The following GAB2 variants were observed in gnomAD, a reference collection of about 807,000 sequenced individuals.
The protein encoded by GAB2 is GRB2-associated-binding protein 2.
Under a neutral mutation model 65.5 loss-of-function variants are expected in GAB2, and 26 were observed. The ratio of observed to expected loss-of-function variants is 0.40; its 90% confidence interval spans 0.29 to 0.55. The LOEUF (loss-of-function observed/expected upper bound fraction) is 0.55, where lower values mean the gene tolerates loss of function less well. GAB2 is among the 20% of genes least tolerant of loss of function. The pLI is 0.53. For synonymous variants in GAB2, 321 were observed against 329.6 expected (o/e 0.97, Z 0.28); for missense variants, 884 against 875.8 (o/e 1.01, Z -0.12).
At chr11:78,330,387 A>G (rs1200009350) in intron 1 of GAB2, among the ~76,000 whole-genome samples, 1 of 152,258 alleles carries the variant, frequency 6.6e-6, no homozygotes, top group Non-Finnish European at 1.5e-5. Flanking sequence ...GAAGGGAAAT[A>G]CAAGGCTTTG....
At position 78,278,372 on chromosome 11, in the gene GAB2, C is replaced by CT. The variant is rs943906201; in HGVS notation, c.376+2228dup. 3.9e-3 allele frequency among the ~76,000 whole-genome samples: 571 copies of CT among 146,376 alleles called. 3 individuals carry two copies. The highest frequency in any genetic ancestry group is 0.012 in the African/African-American group (472 of 40,144). On this transcript the variant is annotated intron_variant, in intron 2 of 9. Transcript: ENST00000361507. ...GGCGTGAGTCACCGTGCCCAGTCTG[C>CT]TTTTTTTTTTGTTTTTTGTTTGTTT...
rs372693456 is a variant in GAB2 at position 78,233,040 on chromosome 11, G to GTTTTTTTTTT, written c.621-5999_621-5990dup. On this transcript the variant is annotated intron_variant, in intron 3 of 9. Coordinates refer to ENST00000361507, the MANE Select transcript of GAB2 (RefSeq NM_080491.3). ...ACTTACCAATACCTGGCACTGTTAA[G>GTTTTTTTTTT]TTTTTTTTTTTTTTTTGGTGACAAG... is the stretch of plus-strand genomic sequence containing the variant. 7.7e-3 allele frequency among the ~76,000 whole-genome samples: 1,016 copies of GTTTTTTTTTT among 131,764 alleles called. 39 individuals are homozygous for GTTTTTTTTTT. The highest frequency in any genetic ancestry group is 0.027 in the African/African-American group (903 of 33,088). The allele number at this position is 131,764 out of a possible 152,430, so 86.4% of individuals were successfully genotyped here.
intron 1 of GAB2, among the ~76,000 whole-genome samples, chr11:78,310,855 G>GT (rs1478115722): frequency 6.6e-6 from 1 of 152,116 alleles, no homozygotes; most frequent in African/African-American, 2.4e-5. Flanking sequence ...ACCCTTGTGG[G>GT]TATGTCCTAC....
chr11:78,297,902 T>A (rs1036909125), intron 1 of GAB2, among the ~76,000 whole-genome samples: 48 of 152,306 alleles, frequency 3.2e-4, no homozygotes, highest in African/African-American at 1.1e-3. Flanking sequence ...ATTTTACAAA[T>A]GCTTAGAAAA....
chr11:78,278,658 C>T (rs1373000171), intron 2 of GAB2, among the ~76,000 whole-genome samples: 1 of 151,958 alleles, frequency 6.6e-6, no homozygotes, highest in Non-Finnish European at 1.5e-5. Flanking sequence ...GGATTACAGG[C>T]GTGAAACACT....
Position 78,313,079 on chromosome 11 carries a change from G to A in GAB2, c.76-32178C>T, listed in dbSNP as rs115088095. Among the ~76,000 whole-genome samples, 980 of 152,258 alleles carry A rather than the reference G, an allele frequency of 6.4e-3. 14 individuals carry two copies. The highest frequency in any genetic ancestry group is 0.022 in the African/African-American group (903 of 41,534). On this transcript the variant is annotated intron_variant, in intron 1 of 9. Coordinates refer to ENST00000361507, the MANE Select transcript of GAB2 (RefSeq NM_080491.3). ...TTATTGTGTGATCACCACATCTCAG[G>A]CAAGTTCCTTGGGCTAAGATTCATG...
Position 78,280,730 on chromosome 11 carries a change from T to A in GAB2, c.247A>T (p.Ser83Cys), listed in dbSNP as rs754219294. 7 of 1,614,048 alleles carry A rather than the reference T, an allele frequency of 4.3e-6. No homozygotes were observed. Among genetic ancestry groups the A allele is most frequent in the African/African-American group, 1.3e-5 (1 of 74,914 alleles). The change falls in exon 2 of 10, where the codon AGT becomes TGT. Residue 83 changes from serine (S) to cysteine (C), a missense_variant. Ser to Cys is a moderately radical substitution (Grantham distance 112, BLOSUM62 -1). Coordinates refer to ENST00000361507, the MANE Select transcript of GAB2 (RefSeq NM_080491.3). The part of the protein sequence containing the change: ...LTFNKKELQD[S>C]FVFDIKTSER... The stretch of plus-strand genomic sequence containing the variant: ...CTGGTCTTGATGTCAAACACAAAAC[T>A]ATCCTGCAGCTCCTTCTTGTTAAAG...
intron 1 of GAB2, among the ~76,000 whole-genome samples, chr11:78,377,754 G>C (rs73502908): frequency 0.046 from 6,977 of 152,120 alleles, 481 homozygotes; most frequent in African/African-American, 0.15. Flanking sequence ...GCTCATACCT[G>C]CAAAGTTTAC....
chr11:78,301,971 A>G (rs981286021), intron 1 of GAB2, among the ~76,000 whole-genome samples: 5 of 152,204 alleles, frequency 3.3e-5, no homozygotes, highest in Non-Finnish European at 7.3e-5. Flanking sequence ...CAGTGCTGGG[A>G]TAACTGGCAA....
chr11:78,222,431 T>G (rs958693221), intron 6 of GAB2, among the ~76,000 whole-genome samples: 1 of 151,790 alleles, frequency 6.6e-6, no homozygotes, highest in Non-Finnish European at 1.5e-5. Context: ...GTAATTATAT[T>G]TTCAGAATCA....
intron 1 of GAB2, among the ~76,000 whole-genome samples, chr11:78,400,436 T>C (rs548074568): frequency 6.6e-6 from 1 of 152,342 alleles, no homozygotes; most frequent in South Asian, 2.1e-4. Context: ...TACTGATTTA[T>C]TACCTTGGGA....
chr11:78,277,622 T>C (rs2510047), intron 2 of GAB2, among the ~76,000 whole-genome samples: 39,099 of 152,166 alleles, frequency 0.26, 5,884 homozygotes, highest in East Asian at 0.4. Context: ...GGTAAAAGAA[T>C]GCCTCAAGTG....
At chr11:78,300,301 T>C (rs1272003728) in intron 1 of GAB2, among the ~76,000 whole-genome samples, 1 of 151,960 alleles carries the variant, frequency 6.6e-6, no homozygotes, top group Non-Finnish European at 1.5e-5. Flanking sequence ...GTTTAAAAAA[T>C]TGCTGAGTAG....
At chr11:78,336,294 T>A (rs1855996627) in intron 1 of GAB2, among the ~76,000 whole-genome samples, 1 of 112,622 alleles carries the variant, frequency 8.9e-6, no homozygotes, top group African/African-American at 3.4e-5. Context: ...CTGCACTCAC[T>A]CCAGCCCGGG....
chr11:78,307,542 G>A (rs1855389573), intron 1 of GAB2, among the ~76,000 whole-genome samples: 1 of 150,828 alleles, frequency 6.6e-6, no homozygotes, highest in Admixed American at 6.6e-5. Flanking sequence ...AGGATCTCTT[G>A]AGCCCAGGAG....
chr11:78,378,699 C>T (rs1196862386), intron 1 of GAB2, among the ~76,000 whole-genome samples: 2 of 152,160 alleles, frequency 1.3e-5, no homozygotes, highest in Non-Finnish European at 2.9e-5. Context: ...TCTTAATGCT[C>T]AGGCTTGTCT....
chr11:78,361,409 A>AC lies in GAB2; in HGVS notation c.75+56236dup, dbSNP rs951373722. Among the ~76,000 whole-genome samples, 143 of 151,396 alleles carry AC rather than the reference A, an allele frequency of 9.4e-4. 1 individual carries two copies. The highest frequency in any genetic ancestry group is 3.3e-3 in the African/African-American group (136 of 40,922). ...AAATCCTGCATGGCAACACGGACAC[A>AC]CCCCCCCACACCCACACAAATGCCT... On this transcript the variant is annotated intron_variant, in intron 1 of 9. Transcript: ENST00000361507.
At chr11:78,409,571 G>A (rs1165120939) in intron 1 of GAB2, among the ~76,000 whole-genome samples, 1 of 152,068 alleles carries the variant, frequency 6.6e-6, no homozygotes, top group African/African-American at 2.4e-5. Flanking sequence ...GGCAACAACA[G>A]CGGAACTCCA....
chr11:78,383,557 C>T (rs1166039793), intron 1 of GAB2, among the ~76,000 whole-genome samples: 7 of 98,344 alleles, frequency 7.1e-5, no homozygotes, highest in Non-Finnish European at 1.4e-4. Context: ...CCAGCCTGGG[C>T]AACATGGCAA....
Sources: gnomAD v4.1 joint callset for allele counts (sites outside exome capture counted in the v4.1 genomes callset) on GRCh38, gnomAD v4.1.1 for gene constraint, MANE v1.5 for transcripts, NCBI Gene and HGNC (gene_info 2026-07-23, HGNC 2026-07-21) for gene names.